The following SYT1 variants were observed in gnomAD, a reference collection of about 807,000 sequenced individuals.
SYT1 encodes the protein synaptotagmin-1.
A neutral mutation model predicts 44.8 loss-of-function variants in SYT1; 8 were observed. That is an observed-to-expected ratio of 0.18 (90% confidence interval 0.10 to 0.32). The LOEUF (loss-of-function observed/expected upper bound fraction) is 0.32. Ranked by LOEUF, SYT1 falls within the 10% of genes least tolerant of loss-of-function variation. SYT1 has a pLI of 1.00. For missense variants in SYT1, 286 were observed against 509.3 expected (o/e 0.56, Z 4.22); for synonymous variants, 154 against 188.8 (o/e 0.82, Z 1.51).
intron 2 of SYT1, among the ~76,000 whole-genome samples, chr12:79,039,278 G>A (rs1245050932): frequency 1.3e-5 from 2 of 151,958 alleles, no homozygotes; most frequent in Admixed American, 6.6e-5. Flanking sequence ...ATAATATTTT[G>A]TGAAAAACAC....
intron 3 of SYT1, among the ~76,000 whole-genome samples, chr12:79,170,118 T>A (rs1474610370): frequency 1.3e-5 from 2 of 152,150 alleles, no homozygotes; most frequent in African/African-American, 4.8e-5. Context: ...TTTAGGTTGA[T>A]TCCATATCTT....
chr12:79,203,490 C>T (rs1435770623), intron 3 of SYT1, among the ~76,000 whole-genome samples: 1 of 152,188 alleles, frequency 6.6e-6, no homozygotes, highest in Non-Finnish European at 1.5e-5. Flanking sequence ...TATATTGCTA[C>T]ACTTCCAAAT....
chr12:78,966,495 C>A (rs1285820129), intron 1 of SYT1, among the ~76,000 whole-genome samples: 3 of 152,136 alleles, frequency 2.0e-5, no homozygotes, highest in Admixed American at 6.5e-5. Context: ...ATCTACTACA[C>A]CATCTTGCTG....
intron 4 of SYT1, among the ~76,000 whole-genome samples, chr12:79,260,351 A>G (rs1592907648): frequency 6.6e-6 from 1 of 152,304 alleles, no homozygotes; most frequent in African/African-American, 2.4e-5. Context: ...AACCACAAAT[A>G]TCATCAAAGT....
chr12:79,246,883 T>C (rs893298870), intron 4 of SYT1, among the ~76,000 whole-genome samples: 7 of 152,184 alleles, frequency 4.6e-5, no homozygotes, highest in African/African-American at 1.7e-4. Flanking sequence ...AGGGGATGCC[T>C]TGATTTCTTT....
chr12:79,285,696 G>T (rs1328253176), intron 4 of SYT1, 91 bp from the exon 5 acceptor site: 2 of 1,015,324 alleles, frequency 2.0e-6, no homozygotes, highest in South Asian at 1.7e-5. Context: ...AAATGCAAAT[G>T]AAAAAAATGA....
intron 8 of SYT1, among the ~76,000 whole-genome samples, chr12:79,339,364 A>G (rs1228145203): frequency 6.6e-6 from 1 of 152,180 alleles, no homozygotes; most frequent in Non-Finnish European, 1.5e-5. Flanking sequence ...TCGCCATTCT[A>G]ACTGTTGTGA....
intron 8 of SYT1, among the ~76,000 whole-genome samples, chr12:79,334,073 CA>C (rs542376571): frequency 6.6e-6 from 1 of 151,802 alleles, no homozygotes; most frequent in East Asian, 1.9e-4. Flanking sequence ...CTTAACTCTT[CA>C]AAAAAAAGTT....
chr12:78,940,337 G>A (rs913042358), intron 1 of SYT1, among the ~76,000 whole-genome samples: 4 of 152,014 alleles, frequency 2.6e-5, no homozygotes, highest in African/African-American at 9.7e-5. Flanking sequence ...TTTGTTATGA[G>A]CTCAAACATC....
intron 1 of SYT1, among the ~76,000 whole-genome samples, chr12:78,866,341 T>C (rs977891839): frequency 2.6e-5 from 4 of 152,218 alleles, no homozygotes; most frequent in Non-Finnish European, 5.9e-5. Flanking sequence ...GGAGGCTCAG[T>C]TGGACAAGAA....
At chr12:79,374,841 G>A (rs1341896508) in intron 9 of SYT1, among the ~76,000 whole-genome samples, 1 of 152,230 alleles carries the variant, frequency 6.6e-6, no homozygotes, top group Non-Finnish European at 1.5e-5. Flanking sequence ...AGCTTGGAAC[G>A]AGCTCAGGGA....
At chr12:79,168,762 A>G (rs1871349737) in intron 3 of SYT1, among the ~76,000 whole-genome samples, 2 of 152,048 alleles carry the variant, frequency 1.3e-5, no homozygotes, top group African/African-American at 4.8e-5. Flanking sequence ...CTGAATGTGT[A>G]TAAGATAAAA....
At chr12:79,341,916 C>A (rs1882393961) in intron 8 of SYT1, among the ~76,000 whole-genome samples, 1 of 151,952 alleles carries the variant, frequency 6.6e-6, no homozygotes, top group Non-Finnish European at 1.5e-5. Context: ...GATCCACCCG[C>A]CTCGTCATTC....
chr12:78,865,380 C>T (rs1873481123), intron 1 of SYT1, among the ~76,000 whole-genome samples: 1 of 152,124 alleles, frequency 6.6e-6, no homozygotes, highest in African/African-American at 2.4e-5. Flanking sequence ...TGTTCTCTCT[C>T]CTCCGTCCCC....
chr12:79,093,284 C>T (rs529916182), intron 3 of SYT1, among the ~76,000 whole-genome samples: 1 of 151,556 alleles, frequency 6.6e-6, no homozygotes, highest in Non-Finnish European at 1.5e-5. Context: ...TCGAAGCATT[C>T]GATCAAAAAT....
chr12:78,995,844 A>C (rs533087523), intron 2 of SYT1: 13 of 152,186 alleles, frequency 8.5e-5, no homozygotes, highest in Non-Finnish European at 1.5e-4. Flanking sequence ...GTGGCTCCAA[A>C]CATGTAAGCA....
chr12:78,876,977 C>G (rs1181373353), intron 1 of SYT1, among the ~76,000 whole-genome samples: 2 of 82,022 alleles, frequency 2.4e-5, no homozygotes, highest in Non-Finnish European at 4.8e-5. Flanking sequence ...CACCTGGCTC[C>G]TCTAGTAAAT....
chr12:78,985,394 C>T (rs901790025), intron 2 of SYT1, among the ~76,000 whole-genome samples: 1 of 151,666 alleles, frequency 6.6e-6, no homozygotes, highest in Non-Finnish European at 1.5e-5. Context: ...AGAATATATT[C>T]TTTCTAAAAT....
chr12:79,364,220 AT>A (rs949619338), intron 9 of SYT1, among the ~76,000 whole-genome samples: 1 of 151,390 alleles, frequency 6.6e-6, no homozygotes, highest in African/African-American at 2.4e-5. Flanking sequence ...TCCTTCCTTC[AT>A]TTCCCCCCTC....
Sources: allele counts gnomAD v4.1 joint callset (sites outside exome capture counted in the v4.1 genomes callset), GRCh38; gene constraint gnomAD v4.1.1; transcripts MANE v1.5; gene names NCBI Gene and HGNC (gene_info 2026-07-23, HGNC 2026-07-21).